The following ITGBL1 variants were observed in gnomAD, a reference collection of about 807,000 sequenced individuals.
ITGBL1 encodes the protein integrin subunit beta like 1.
In ITGBL1, 51 loss-of-function variants were observed where a neutral mutation model predicts 68.5. The ratio of observed to expected loss-of-function variants is 0.74; its 90% confidence interval spans 0.59 to 0.94. The LOEUF is 0.94. Among genes scored for constraint, ITGBL1 ranks in the 40% least tolerant of loss-of-function variants. The pLI, the probability that ITGBL1 is intolerant of heterozygous loss-of-function variation, is 0.00. For synonymous variants in ITGBL1, 209 were observed against 227.3 expected (o/e 0.92, Z 0.72); for missense variants, 649 against 647.4 (o/e 1.00, Z -0.03).
At chr13:101,549,712 G>T (rs1403125215) in intron 2 of ITGBL1, among the ~76,000 whole-genome samples, 1 of 151,920 alleles carries the variant, frequency 6.6e-6, no homozygotes, top group Non-Finnish European at 1.5e-5. Context: ...GTTGACACAT[G>T]TCAGTGAAAA....
chr13:101,518,408 G>A (rs938545017), intron 2 of ITGBL1, among the ~76,000 whole-genome samples: 1 of 152,074 alleles, frequency 6.6e-6, no homozygotes, highest in Non-Finnish European at 1.5e-5. Flanking sequence ...GTTTTCCCAA[G>A]GTACTTTTGT....
At chr13:101,566,491 T>A (rs1220434386) in intron 2 of ITGBL1, among the ~76,000 whole-genome samples, 1 of 152,168 alleles carries the variant, frequency 6.6e-6, no homozygotes, top group East Asian at 1.9e-4. Flanking sequence ...GTTTTGGTTA[T>A]AAAATAGAAT....
chr13:101,502,543 C>T lies in ITGBL1; in HGVS notation c.316+48443C>T, dbSNP rs531435291. ...TAACATTCTAAATTAATTTTATTCTCCTGGCCTGCAAATTTATTCTCAAAA... is the reference window on the plus strand; with the variant it reads ...TAACATTCTAAATTAATTTTATTCTTCTGGCCTGCAAATTTATTCTCAAAA... On this transcript the variant is annotated intron_variant, in intron 2 of 10. Coordinates refer to ENST00000376180, the MANE Select transcript of ITGBL1 (RefSeq NM_004791.3). 2.0e-5 allele frequency among the ~76,000 whole-genome samples: 3 copies of T among 152,248 alleles called. No individual in the cohort carries two copies. In the South Asian group the frequency reaches 6.2e-4, roughly 32 times the overall value.
chr13:101,464,136 C>T (rs1160722399), intron 2 of ITGBL1, among the ~76,000 whole-genome samples: 1 of 151,858 alleles, frequency 6.6e-6, no homozygotes, highest in Non-Finnish European at 1.5e-5. Flanking sequence ...TGACCTCAGG[C>T]GATCCACCCG....
intron 7 of ITGBL1, among the ~76,000 whole-genome samples, chr13:101,616,278 A>C (rs2139377310): frequency 6.6e-6 from 1 of 152,270 alleles, no homozygotes; most frequent in Admixed American, 6.5e-5. Flanking sequence ...GGATATGATA[A>C]GTTCAGGTAA....
At chr13:101,553,061 T>G (rs929815404) in intron 2 of ITGBL1, among the ~76,000 whole-genome samples, 3 of 152,132 alleles carry the variant, frequency 2.0e-5, no homozygotes, top group Non-Finnish European at 4.4e-5. Context: ...GTGGTCTTGT[T>G]TTTTAGACAA....
At chr13:101,663,294 C>CAGG (rs1376955945) in intron 7 of ITGBL1, among the ~76,000 whole-genome samples, 1 of 152,060 alleles carries the variant, frequency 6.6e-6, no homozygotes, top group African/African-American at 2.4e-5. Context: ...AAGTAGAAAA[C>CAGG]AGGACTGGTA....
At chr13:101,514,571 A>G (rs1351546220) in intron 2 of ITGBL1, among the ~76,000 whole-genome samples, 1 of 152,112 alleles carries the variant, frequency 6.6e-6, no homozygotes, top group Non-Finnish European at 1.5e-5. Flanking sequence ...ACAAATGATG[A>G]GAAATATAAA....
intron 7 of ITGBL1, among the ~76,000 whole-genome samples, chr13:101,634,285 A>T (rs2032092007): frequency 6.6e-6 from 1 of 152,216 alleles, no homozygotes; most frequent in Non-Finnish European, 1.5e-5. Context: ...AAAGTGGAAG[A>T]TGATAGACTC....
chr13:101,507,544 G>C (rs2049045996), intron 2 of ITGBL1, among the ~76,000 whole-genome samples: 1 of 152,082 alleles, frequency 6.6e-6, no homozygotes, highest in Non-Finnish European at 1.5e-5. Context: ...TGTGAGGCAA[G>C]AAAGCACCCA....
chr13:101,535,616 A>G (rs1425912831), intron 2 of ITGBL1, among the ~76,000 whole-genome samples: 1 of 152,112 alleles, frequency 6.6e-6, no homozygotes, highest in African/African-American at 2.4e-5. Context: ...CTCTTTCCTT[A>G]AGGATAAGTT....
At chr13:101,463,867 T>C (rs1207633987) in intron 2 of ITGBL1, among the ~76,000 whole-genome samples, 5 of 151,198 alleles carry the variant, frequency 3.3e-5, no homozygotes, top group Admixed American at 1.3e-4. Context: ...ATCATAAGAA[T>C]GCAAACTACT....
chr13:101,716,782 A>G (rs2034741088), downstream of ITGBL1: 1 of 74,534 alleles, frequency 1.3e-5, no homozygotes, highest in Non-Finnish European at 2.7e-5. Flanking sequence ...TCAGAAGCTC[A>G]CAAAAGACCA....
chr13:101,602,048 C>T (rs1232113935), intron 7 of ITGBL1, among the ~76,000 whole-genome samples: 1 of 152,028 alleles, frequency 6.6e-6, no homozygotes, highest in African/African-American at 2.4e-5. Context: ...CACACAGACA[C>T]TCTCACTCAC....
intron 7 of ITGBL1, among the ~76,000 whole-genome samples, chr13:101,605,780 A>G (rs1381547270): frequency 2.3e-4 from 1 of 4,412 alleles, no homozygotes; most frequent in Non-Finnish European, 7.6e-4. Flanking sequence ...GTGTAGGCAT[A>G]TGTATGTGCG....
Position 101,638,433 on chromosome 13 carries a change from AT to A in ITGBL1, c.1015+40135del, listed in dbSNP as rs1302910817. On this transcript the variant is annotated intron_variant, in intron 7 of 10. Coordinates refer to ENST00000376180, the MANE Select transcript of ITGBL1 (RefSeq NM_004791.3). ...CAGTATTTACCTTCTTTCTTAAAAA[AT>A]AAAAAAAAAAAAACTATTTGTATTA... 0.011 allele frequency among the ~76,000 whole-genome samples: 575 copies of A among 53,318 alleles called. 25 individuals carry two copies. The East Asian group carries it at 0.22, about 20-fold the overall frequency. The allele number at this position is 53,318 out of a possible 152,430, so 35.0% of individuals were successfully genotyped here.
At chr13:101,551,042 T>A (rs2049912588) in intron 2 of ITGBL1, among the ~76,000 whole-genome samples, 1 of 152,080 alleles carries the variant, frequency 6.6e-6, no homozygotes, top group Non-Finnish European at 1.5e-5. Flanking sequence ...TGCACTGGGG[T>A]GTATGGATTT....
chr13:101,539,559 A>G (rs1224172401), intron 2 of ITGBL1, among the ~76,000 whole-genome samples: 1 of 151,980 alleles, frequency 6.6e-6, no homozygotes, highest in Non-Finnish European at 1.5e-5. Flanking sequence ...TACTTTGGGT[A>G]TATACCCAGT....
intron 2 of ITGBL1, among the ~76,000 whole-genome samples, chr13:101,454,696 C>T (rs544687438): frequency 2.6e-5 from 4 of 152,274 alleles, no homozygotes; most frequent in African/African-American, 9.6e-5. Context: ...TATTTTCCTC[C>T]ATTCTAGGGA....
Sources: gnomAD v4.1 joint callset for allele counts (sites outside exome capture counted in the v4.1 genomes callset) on GRCh38, gnomAD v4.1.1 for gene constraint, MANE v1.5 for transcripts, NCBI Gene and HGNC (gene_info 2026-07-23, HGNC 2026-07-21) for gene names.